Variants in GABRG3 observed in about 807,000 individuals in gnomAD.
GABRG3 encodes gamma-aminobutyric acid type A receptor subunit gamma3, also known as gamma-aminobutyric acid receptor subunit gamma-3.
In GABRG3, 25 loss-of-function variants were observed where a neutral mutation model predicts 48.8. The observed-to-expected ratio is 0.51, with a 90% CI of 0.37 to 0.72. The LOEUF (loss-of-function observed/expected upper bound fraction) is 0.72. Among genes scored for constraint, GABRG3 ranks in the 30% least tolerant of loss-of-function variants. The pLI is 0.00. For missense variants in GABRG3, 394 were observed against 577.9 expected (o/e 0.68, Z 3.26); for synonymous variants, 227 against 217.6 (o/e 1.04, Z -0.38).
At chr15:27,074,452 G>A (rs542137656) in intron 3 of GABRG3, among the ~76,000 whole-genome samples, 182 of 151,760 alleles carry the variant, frequency 1.2e-3, no homozygotes, top group Non-Finnish European at 2.0e-3. Flanking sequence ...CGCTGCCCAC[G>A]CTCAGTGCAA....
At chr15:27,507,835 A>C (rs1890798282) in intron 6 of GABRG3, among the ~76,000 whole-genome samples, 1 of 152,060 alleles carries the variant, frequency 6.6e-6, no homozygotes, top group South Asian at 2.1e-4. Context: ...ATATATTTTG[A>C]ATCTCTGTTG....
intron 5 of GABRG3, among the ~76,000 whole-genome samples, chr15:27,329,138 C>T (rs1893719403): frequency 6.6e-6 from 1 of 152,204 alleles, no homozygotes; most frequent in African/African-American, 2.4e-5. Flanking sequence ...GATTCAGAAA[C>T]TGATGAACCA....
chr15:27,510,498 C>T (rs1200653938), intron 6 of GABRG3, among the ~76,000 whole-genome samples: 2 of 152,148 alleles, frequency 1.3e-5, no homozygotes, highest in East Asian at 1.9e-4. Flanking sequence ...ATGATGTGGA[C>T]GTGGGTGGAG....
intron 9 of GABRG3, among the ~76,000 whole-genome samples, chr15:27,529,889 T>TAAAAAAAA (rs539243697): frequency 1.7e-5 from 2 of 116,630 alleles, no homozygotes; most frequent in African/African-American, 3.3e-5. Flanking sequence ...AGCAGAAAAT[T>TAAAAAAAA]AAAAAAAAAA....
intron 2 of GABRG3, among the ~76,000 whole-genome samples, chr15:27,001,888 G>GTTTTTTTTTTGT (rs761361586): frequency 6.6e-5 from 8 of 121,230 alleles, no homozygotes; most frequent in African/African-American, 2.5e-4. Context: ...CCATAACTCA[G>GTTTTTTTTTTGT]TTTTTTTTTT....
At chr15:27,472,693 T>C (rs1413270652) in intron 5 of GABRG3, among the ~76,000 whole-genome samples, 1 of 152,156 alleles carries the variant, frequency 6.6e-6, no homozygotes, top group Non-Finnish European at 1.5e-5. Context: ...AGGAAGGCAA[T>C]GGATATGATC....
At chr15:27,379,533 G>A (rs1208576642) in intron 5 of GABRG3, among the ~76,000 whole-genome samples, 1 of 152,146 alleles carries the variant, frequency 6.6e-6, no homozygotes, top group African/African-American at 2.4e-5. Flanking sequence ...CTTCCTTCCT[G>A]TAGATTTGAG....
chr15:27,289,057 A>G (rs1284728726), intron 3 of GABRG3, among the ~76,000 whole-genome samples: 3 of 152,160 alleles, frequency 2.0e-5, no homozygotes, highest in Non-Finnish European at 4.4e-5. Flanking sequence ...ACTCCTCTGT[A>G]TATATATAAT....
intron 3 of GABRG3, among the ~76,000 whole-genome samples, chr15:27,298,663 AT>A (rs60147984): frequency 0.052 from 7,751 of 150,122 alleles, 588 homozygotes; most frequent in African/African-American, 0.18. Flanking sequence ...TTTAAGTTTA[AT>A]TTTTTTTTTA....
intron 3 of GABRG3, among the ~76,000 whole-genome samples, chr15:27,189,867 A>G (rs1400000637): frequency 1.3e-5 from 2 of 152,134 alleles, no homozygotes; most frequent in East Asian, 3.8e-4. Context: ...TGGGTTTGTC[A>G]TAGATAGCTC....
intron 3 of GABRG3, among the ~76,000 whole-genome samples, chr15:27,307,365 AT>A (rs1892628607): frequency 5.0e-5 from 1 of 20,072 alleles, no homozygotes; most frequent in African/African-American, 2.3e-4. Flanking sequence ...ATATATAACC[AT>A]ATAGGTTTAT....
chr15:27,497,937 G>T (rs1158773907), intron 6 of GABRG3, among the ~76,000 whole-genome samples: 6 of 152,072 alleles, frequency 3.9e-5, no homozygotes, highest in Non-Finnish European at 8.8e-5. Context: ...ACAGGTTTTT[G>T]ATTCCAAGTT....
intron 5 of GABRG3, among the ~76,000 whole-genome samples, chr15:27,473,994 AG>A (rs1889860831): frequency 6.6e-6 from 1 of 152,212 alleles, no homozygotes; most frequent in Non-Finnish European, 1.5e-5. Context: ...CTTTACACAG[AG>A]GCCCTGAAGA....
intron 3 of GABRG3, among the ~76,000 whole-genome samples, chr15:27,322,377 G>A (rs114823646): frequency 6.6e-6 from 1 of 152,054 alleles, no homozygotes; most frequent in East Asian, 1.9e-4. Context: ...GGGGATTCCC[G>A]CCTTGCTCTG....
At chr15:27,222,170 CT>C (rs1666825342) in intron 3 of GABRG3, among the ~76,000 whole-genome samples, 1 of 152,220 alleles carries the variant, frequency 6.6e-6, no homozygotes, top group African/African-American at 2.4e-5. Flanking sequence ...AGTGCTACAC[CT>C]GGGTGGAATC....
chr15:27,252,647 G>A (rs1049401514), intron 3 of GABRG3, among the ~76,000 whole-genome samples: 5 of 152,166 alleles, frequency 3.3e-5, no homozygotes, highest in African/African-American at 9.7e-5. Context: ...TCCTGGGGCC[G>A]ACTTCCCTTT....
chr15:27,020,464 T>G (rs1595476337), intron 2 of GABRG3, among the ~76,000 whole-genome samples: 1 of 152,212 alleles, frequency 6.6e-6, no homozygotes, highest in Non-Finnish European at 1.5e-5. Flanking sequence ...CAGGCTGGAG[T>G]GCAGTGGCGC....
chr15:27,350,704 G>C (rs144177126), intron 5 of GABRG3, among the ~76,000 whole-genome samples: 1,614 of 152,258 alleles, frequency 0.011, 44 homozygotes, highest in East Asian at 0.062. Flanking sequence ...AGAGCCTGGT[G>C]AGGAAGTCCC....
chr15:27,269,745 G>A (rs536368942), intron 3 of GABRG3, among the ~76,000 whole-genome samples: 6 of 152,184 alleles, frequency 3.9e-5, no homozygotes, highest in South Asian at 2.1e-4. Flanking sequence ...GCTTGAAATC[G>A]GCCTGAGGAT....
Sources: gnomAD v4.1 joint callset for allele counts (sites outside exome capture counted in the v4.1 genomes callset) on GRCh38, gnomAD v4.1.1 for gene constraint, MANE v1.5 for transcripts, NCBI Gene and HGNC (gene_info 2026-07-23, HGNC 2026-07-21) for gene names.